ANKS1B: variants seen among roughly 807,000 people sequenced by gnomAD.
ANKS1B encodes the protein ankyrin repeat and sterile alpha motif domain containing 1B.
ANKS1B carries 36 observed loss-of-function variants against 148.3 expected under a neutral mutation model. The observed-to-expected ratio is 0.24, with a 90% CI of 0.19 to 0.32. ANKS1B has a LOEUF of 0.32. Among genes scored for constraint, ANKS1B ranks in the 10% least tolerant of loss-of-function variants. The probability of loss-of-function intolerance (pLI) is 1.00; values close to 1 mark genes in which losing one functional copy is unlikely to be tolerated. For missense variants in ANKS1B, 1,157 were observed against 1,542.6 expected, an observed-to-expected ratio of 0.75 and a Z score of 4.19; for synonymous variants, 542 against 560.8, an observed-to-expected ratio of 0.97 and a Z score of 0.47.
At chr12:98,749,221 C>T (rs1375265539) in intron 26 of ANKS1B, among the ~76,000 whole-genome samples, 1 of 152,118 alleles carries the variant, frequency 6.6e-6, no homozygotes, top group Non-Finnish European at 1.5e-5. Flanking sequence ...GCCTCAGCCT[C>T]CCTAGTAGCT....
intron 9 of ANKS1B, among the ~76,000 whole-genome samples, chr12:99,593,706 T>C (rs1003715987): frequency 6.6e-6 from 1 of 152,140 alleles, no homozygotes; most frequent in African/African-American, 2.4e-5. Flanking sequence ...ATTTGTTAAA[T>C]GAAGTAAAAT....
chr12:99,585,029 T>G (rs559430568), intron 9 of ANKS1B, among the ~76,000 whole-genome samples: 1 of 152,274 alleles, frequency 6.6e-6, no homozygotes, highest in Admixed American at 6.5e-5. Flanking sequence ...AACACAGTCA[T>G]GCCTTTCCAA....
chr12:99,629,700 G>C (rs1366622528), intron 9 of ANKS1B, among the ~76,000 whole-genome samples: 1 of 152,074 alleles, frequency 6.6e-6, no homozygotes, highest in Non-Finnish European at 1.5e-5. Context: ...TAAAATAAGA[G>C]AGTGGATAAC....
chr12:99,862,408 T>C (rs1456308497), intron 1 of ANKS1B, among the ~76,000 whole-genome samples: 1 of 152,208 alleles, frequency 6.6e-6, no homozygotes, highest in Non-Finnish European at 1.5e-5. Context: ...ATTTATATAA[T>C]ATCAAAAAGA....
intron 24 of ANKS1B, among the ~76,000 whole-genome samples, chr12:98,780,261 C>T (rs998206127): frequency 1.3e-5 from 2 of 152,192 alleles, no homozygotes; most frequent in Non-Finnish European, 2.9e-5. Flanking sequence ...TGGTGATCAC[C>T]TCTTTTACCC....
intron 12 of ANKS1B, among the ~76,000 whole-genome samples, chr12:99,259,939 T>A (rs1044481397): frequency 1.3e-5 from 2 of 152,210 alleles, no homozygotes; most frequent in Non-Finnish European, 2.9e-5. Context: ...GATGAATAAA[T>A]GGCGTCTAGT....
At chr12:99,969,254 C>T (rs1404676167) in intron 1 of ANKS1B, among the ~76,000 whole-genome samples, 1 of 152,138 alleles carries the variant, frequency 6.6e-6, no homozygotes, top group Non-Finnish European at 1.5e-5. Context: ...TCATAGCTCA[C>T]TGTAGACTTG....
chr12:99,249,173 T>C (rs2074251632), intron 12 of ANKS1B, among the ~76,000 whole-genome samples: 1 of 152,166 alleles, frequency 6.6e-6, no homozygotes, highest in African/African-American at 2.4e-5. Context: ...ATTTTGAAAG[T>C]TGCTGAAGAA....
intron 8 of ANKS1B, among the ~76,000 whole-genome samples, chr12:99,725,816 A>C (rs1308040974): frequency 6.6e-6 from 1 of 152,242 alleles, no homozygotes; most frequent in South Asian, 2.1e-4. Context: ...CCACAGTGCA[A>C]TCAAATTAGA....
Position 98,790,854 on chromosome 12 carries a change from G to C in ANKS1B, c.3342+8080C>G, listed in dbSNP as rs545502116. On this transcript the variant is annotated intron_variant, in intron 22 of 26. Transcript: ENST00000683438. The stretch of plus-strand genomic sequence containing the variant: ...CTCAATCAATCAACATGTTTAGAAA[G>C]AGCTTGAGACAAGTGGGAATTAAAG... Among the ~76,000 whole-genome samples the C allele has an allele frequency of 2.0e-5, 3 of 152,308 alleles. No individual in the cohort carries two copies. The South Asian group carries it at 6.2e-4, about 32-fold the overall frequency.
chr12:99,075,827 G>C (rs536671192), intron 16 of ANKS1B, among the ~76,000 whole-genome samples: 1 of 97,282 alleles, frequency 1.0e-5, no homozygotes, highest in Non-Finnish European at 2.5e-5. Context: ...ATGTATTATC[G>C]TATATATAAT....
chr12:99,728,743 A>T lies in ANKS1B; in HGVS notation c.1128+44179T>A, dbSNP rs543500089. Among the ~76,000 whole-genome samples the T allele has an allele frequency of 1.6e-4, 24 of 152,344 alleles. 1 individual carries two copies. In the South Asian group the frequency reaches 5.0e-3, roughly 32 times the overall value. The stretch of plus-strand genomic sequence containing the variant: ...CAAATGCCCATCAATGATAGACTGG[A>T]TAAAGAAAATGCGGTAAATATACAC... On this transcript the variant is annotated intron_variant, in intron 8 of 26. Transcript: ENST00000683438.
At chr12:99,124,991 A>G (rs1472800871) in intron 15 of ANKS1B, among the ~76,000 whole-genome samples, 2 of 152,110 alleles carry the variant, frequency 1.3e-5, no homozygotes, top group African/African-American at 4.8e-5. Context: ...AGAGGTGAAG[A>G]TGGTGATTAC....
At chr12:99,303,265 A>T (rs907970882) in intron 12 of ANKS1B, among the ~76,000 whole-genome samples, 1 of 152,154 alleles carries the variant, frequency 6.6e-6, no homozygotes, top group Non-Finnish European at 1.5e-5. Context: ...CATAGATGAA[A>T]TGCAAGTTTG....
chr12:99,561,138 G>A (rs907124233), intron 9 of ANKS1B, among the ~76,000 whole-genome samples: 4 of 152,040 alleles, frequency 2.6e-5, no homozygotes, highest in African/African-American at 7.2e-5. Flanking sequence ...AAGCCAGTGC[G>A]CCCGGCCGGC....
At chr12:99,339,594 C>T (rs2089562145) in intron 12 of ANKS1B, among the ~76,000 whole-genome samples, 1 of 152,118 alleles carries the variant, frequency 6.6e-6, no homozygotes, top group South Asian at 2.1e-4. Context: ...TCTATTCATC[C>T]ACCTTGTTCC....
At chr12:98,817,805 T>A (rs2099153354) in intron 19 of ANKS1B, among the ~76,000 whole-genome samples, 1 of 152,188 alleles carries the variant, frequency 6.6e-6, no homozygotes, top group African/African-American at 2.4e-5. Flanking sequence ...TTCCTGCCAT[T>A]TCTCCATCTT....
At chr12:99,286,629 T>G (rs12311787) in intron 12 of ANKS1B, among the ~76,000 whole-genome samples, 2,128 of 152,172 alleles carry the variant, frequency 0.014, 53 homozygotes, top group African/African-American at 0.049. Flanking sequence ...AGGCCTTGGT[T>G]CTTAGATGGC....
In ANKS1B at chr12:99,477,712, C is replaced by T. The variant is rs186560493; in HGVS notation, c.1438+26764G>A. Among the ~76,000 whole-genome samples, 642 of 152,208 alleles carry T rather than the reference C, an allele frequency of 4.2e-3. 1 individual carries two copies. Among genetic ancestry groups the T allele is most frequent in the Middle Eastern group, 6.8e-3 (2 of 294 alleles). On this transcript the variant is annotated intron_variant, in intron 10 of 26. Transcript: ENST00000683438. ...TCATAGATATTAAAATATATGTATC[C>T]TTTCACTAAGGTATACAAACATTTA...
Sources: allele counts gnomAD v4.1 joint callset (sites outside exome capture counted in the v4.1 genomes callset), GRCh38; gene constraint gnomAD v4.1.1; transcripts MANE v1.5; gene names NCBI Gene and HGNC (gene_info 2026-07-23, HGNC 2026-07-21).